Variants in PXDNL observed in about 807,000 individuals in gnomAD.
PXDNL encodes the protein probable oxidoreductase PXDNL.
PXDNL carries 145 observed loss-of-function variants against 150.8 expected under a neutral mutation model. That is an observed-to-expected ratio of 0.96 (90% CI 0.84 to 1.10). The LOEUF is 1.10. Among genes scored for constraint, PXDNL ranks in the 50% least tolerant of loss-of-function variants. The pLI, the probability that PXDNL is intolerant of heterozygous loss-of-function variation, is 0.00. For missense variants in PXDNL, 2,087 were observed against 1,873.9 expected, an observed-to-expected ratio of 1.11 and a Z score of -2.10; for synonymous variants, 757 against 725.7, an observed-to-expected ratio of 1.04 and a Z score of -0.69.
chr8:51,604,225 A>T (rs550502992), intron 2 of PXDNL, among the ~76,000 whole-genome samples: 1 of 152,216 alleles, frequency 6.6e-6, no homozygotes, highest in Non-Finnish European at 1.5e-5. Flanking sequence ...CACTATTCAC[A>T]ATAGCAAAGA....
intron 1 of PXDNL, among the ~76,000 whole-genome samples, chr8:51,792,445 C>A (rs1003729388): frequency 6.6e-6 from 1 of 152,238 alleles, no homozygotes; most frequent in African/African-American, 2.4e-5. Context: ...GAGCCCACAC[C>A]ACCAGGGCCT....
intron 12 of PXDNL, among the ~76,000 whole-genome samples, chr8:51,438,835 A>G (rs1209002002): frequency 6.6e-6 from 1 of 152,244 alleles, no homozygotes; most frequent in Non-Finnish European, 1.5e-5. Context: ...AGGATACCCT[A>G]TTCAACAAAT....
intron 1 of PXDNL, among the ~76,000 whole-genome samples, chr8:51,742,849 G>A (rs1002887891): frequency 1.3e-5 from 2 of 152,070 alleles, no homozygotes; most frequent in South Asian, 2.1e-4. Context: ...ACCCAAGCCC[G>A]AAGCACTTGG....
At chr8:51,484,272 C>A (rs1195625189) in intron 5 of PXDNL, among the ~76,000 whole-genome samples, 3 of 151,756 alleles carry the variant, frequency 2.0e-5, no homozygotes, top group African/African-American at 7.3e-5. Context: ...CCCTGTCTAC[C>A]AAATATACAA....
intron 1 of PXDNL, among the ~76,000 whole-genome samples, chr8:51,796,442 A>G (rs2037561630): frequency 6.6e-6 from 1 of 152,138 alleles, no homozygotes; most frequent in South Asian, 2.1e-4. Flanking sequence ...CTAATAAAGA[A>G]GAAAAGAGAG....
At chr8:51,566,556 T>C (rs1305812818) in intron 3 of PXDNL, among the ~76,000 whole-genome samples, 1 of 151,818 alleles carries the variant, frequency 6.6e-6, no homozygotes, top group African/African-American at 2.4e-5. Flanking sequence ...TTTATCTAAG[T>C]TACCAAATTT....
chr8:51,773,378 C>G (rs192475360), intron 1 of PXDNL, among the ~76,000 whole-genome samples: 139 of 152,288 alleles, frequency 9.1e-4, no homozygotes, highest in African/African-American at 3.1e-3. Flanking sequence ...TTTCACTCAG[C>G]CACAGGACAC....
rs550781186 is a variant in PXDNL, at chr8:51,664,290, C to T, written c.165-9530G>A. Among the ~76,000 whole-genome samples, 3 of 152,042 alleles carry T rather than the reference C, an allele frequency of 2.0e-5. No individual in the cohort carries two copies. In the East Asian group the frequency reaches 5.8e-4, roughly 29 times the overall value. ...CTCTAAGTGAATTTTTACACAAAAC[C>T]AAAGCATAACCTCTTGAATTGCTAA... On this transcript the variant is annotated intron_variant, in intron 1 of 22. Transcript: ENST00000356297.
intron 19 of PXDNL, among the ~76,000 whole-genome samples, chr8:51,361,904 C>T (rs2130754227): frequency 8.5e-6 from 1 of 117,890 alleles, no homozygotes; most frequent in African/African-American, 3.4e-5. Context: ...TGCCACTGCA[C>T]ACCAGCCTGG....
At chr8:51,445,421 T>C (rs1490408303) in intron 12 of PXDNL, among the ~76,000 whole-genome samples, 1 of 152,210 alleles carries the variant, frequency 6.6e-6, no homozygotes, top group Non-Finnish European at 1.5e-5. Context: ...TTTGCTTCCA[T>C]ATTCATGCCA....
intron 19 of PXDNL, among the ~76,000 whole-genome samples, chr8:51,358,946 G>C (rs767745059): frequency 2.6e-5 from 4 of 152,190 alleles, no homozygotes; most frequent in African/African-American, 7.2e-5. Flanking sequence ...CTCTGAAAGG[G>C]CTTCATGTTC....
intron 1 of PXDNL, among the ~76,000 whole-genome samples, chr8:51,665,880 G>A (rs1331385952): frequency 2.6e-5 from 4 of 152,208 alleles, no homozygotes; most frequent in Non-Finnish European, 5.9e-5. Flanking sequence ...ATGTGAGGAA[G>A]CTGACAGAGA....
chr8:51,517,532 G>A (rs1811569616), intron 4 of PXDNL, among the ~76,000 whole-genome samples: 1 of 152,148 alleles, frequency 6.6e-6, no homozygotes, highest in South Asian at 2.1e-4. Context: ...CTAAGACTTG[G>A]TCTAGCTTCT....
intron 1 of PXDNL, among the ~76,000 whole-genome samples, chr8:51,776,016 G>T (rs2037349103): frequency 6.6e-6 from 1 of 152,172 alleles, no homozygotes; most frequent in Admixed American, 6.5e-5. Context: ...TTTAGGAACG[G>T]CTGTCTTTTA....
chr8:51,563,180 A>G (rs1194403144), intron 3 of PXDNL, among the ~76,000 whole-genome samples: 1 of 152,034 alleles, frequency 6.6e-6, no homozygotes, highest in Non-Finnish European at 1.5e-5. Flanking sequence ...CCAGGCTTCC[A>G]TAACAAAAGT....
At chr8:51,455,482 A>G (rs979389565) in intron 9 of PXDNL, among the ~76,000 whole-genome samples, 2 of 152,200 alleles carry the variant, frequency 1.3e-5, no homozygotes, top group Admixed American at 1.3e-4. Context: ...TACATGAAGT[A>G]TGAAAGCTGA....
chr8:51,672,917 A>G (rs1162168636), intron 1 of PXDNL, among the ~76,000 whole-genome samples: 3 of 152,200 alleles, frequency 2.0e-5, no homozygotes, highest in Non-Finnish European at 4.4e-5. Flanking sequence ...ATTTGCTGTG[A>G]AATTCTTTGG....
chr8:51,782,162 G>A (rs768988095), intron 1 of PXDNL, among the ~76,000 whole-genome samples: 1 of 152,124 alleles, frequency 6.6e-6, no homozygotes, highest in Non-Finnish European at 1.5e-5. Context: ...CCGGGGGCTG[G>A]ACTCTTACAA....
intron 14 of PXDNL, 46 bp from the exon 15 acceptor site, chr8:51,413,304 A>T (rs1310703756): frequency 8.4e-7 from 1 of 1,186,826 alleles, no homozygotes; most frequent in South Asian, 1.2e-5. Flanking sequence ...CAGACCTTGA[A>T]GTTAGGCATG....
Sources: allele counts gnomAD v4.1 joint callset (sites outside exome capture counted in the v4.1 genomes callset), GRCh38; gene constraint gnomAD v4.1.1; transcripts MANE v1.5; gene names NCBI Gene and HGNC (gene_info 2026-07-23, HGNC 2026-07-21).